Variants in PAK2 observed in about 807,000 individuals in gnomAD.
PAK2 encodes p21 (RAC1) activated kinase 2, also known as serine/threonine-protein kinase PAK 2.
Under a neutral mutation model 65.9 loss-of-function variants are expected in PAK2, and 21 were observed. The ratio of observed to expected loss-of-function variants is 0.32; its 90% CI spans 0.23 to 0.46. The LOEUF (loss-of-function observed/expected upper bound fraction) is 0.46. PAK2 is among the 20% of genes least tolerant of loss of function. PAK2 has a pLI of 1.00. For missense variants in PAK2, 324 were observed against 642.6 expected, an observed-to-expected ratio of 0.50 and a Z score of 5.36; for synonymous variants, 204 against 219.7, an observed-to-expected ratio of 0.93 and a Z score of 0.63.
At chr3:196,812,876 C>T in intron 10 of PAK2, 25 bp downstream of exon 10, 1 of 989,872 alleles carries the variant, frequency 1.0e-6, no homozygotes, top group East Asian at 2.4e-5. Flanking sequence ...TCCTTAAACA[C>T]CGGGAGAAAA....
chr3:196,774,049 A>G (rs950163825), intron 1 of PAK2, among the ~76,000 whole-genome samples: 3 of 152,280 alleles, frequency 2.0e-5, no homozygotes, highest in Middle Eastern at 3.4e-3. Context: ...AACAACAACA[A>G]AAAAAATCTG....
At chr3:196,795,403 G>A (rs1560107033) in intron 2 of PAK2, among the ~76,000 whole-genome samples, 1 of 152,130 alleles carries the variant, frequency 6.6e-6, no homozygotes, top group Non-Finnish European at 1.5e-5. Flanking sequence ...AGAGGTTGAG[G>A]CCGCAGTGAG....
chr3:196,767,311 G>T (rs202065118), intron 1 of PAK2, among the ~76,000 whole-genome samples: 1 of 152,026 alleles, frequency 6.6e-6, no homozygotes, highest in Non-Finnish European at 1.5e-5. Flanking sequence ...GGGTCAAAAG[G>T]TATATATGTA....
intron 13 of PAK2, among the ~76,000 whole-genome samples, chr3:196,824,306 G>C: frequency 6.6e-6 from 1 of 152,152 alleles, no homozygotes; most frequent in East Asian, 1.9e-4. Context: ...ATATTGGTAG[G>C]AATACAGAAA....
intron 13 of PAK2, among the ~76,000 whole-genome samples, chr3:196,823,647 C>G (rs1245537372): frequency 6.6e-6 from 1 of 151,768 alleles, no homozygotes; most frequent in Admixed American, 6.6e-5. Context: ...GGGCAGATCA[C>G]TTGAGGTCAG....
At chr3:196,763,539 A>G (rs1183016240) in intron 1 of PAK2, among the ~76,000 whole-genome samples, 1 of 152,114 alleles carries the variant, frequency 6.6e-6, no homozygotes, top group African/African-American at 2.4e-5. Context: ...GAGGCACTAG[A>G]TCAGTAACTG....
Position 196,812,222 on chromosome 3 carries a change from T to C in PAK2, c.777T>C (p.Ala259=). 1 of 1,577,310 alleles carries C rather than the reference T, an allele frequency of 6.3e-7. No homozygotes were observed. Among genetic ancestry groups the C allele is most frequent in the Non-Finnish European group, 8.7e-7 (1 of 1,146,758 alleles). ...YTRYEKIGQG[A]SGTVFTATDV... is the part of the protein sequence containing the mutation. ...GTTGTGTGTTTTCTCCCTCTAGGGC[T>C]TCTGGTACAGTTTTCACTGCTACTG... Residue 259 remains alanine (A), a synonymous_variant, in exon 9 of 15, where the codon GCT becomes GCC. Coordinates refer to ENST00000327134, the MANE Select transcript of PAK2 (RefSeq NM_002577.4).
chr3:196,741,474 T>C (rs1713191367), intron 1 of PAK2, among the ~76,000 whole-genome samples: 2 of 152,220 alleles, frequency 1.3e-5, no homozygotes, highest in African/African-American at 4.8e-5. Flanking sequence ...TTCAGGCAAC[T>C]TTTTCACTGT....
At chr3:196,823,811 C>CAAA (rs1004879720) in intron 13 of PAK2, among the ~76,000 whole-genome samples, 2 of 77,008 alleles carry the variant, frequency 2.6e-5, no homozygotes, top group African/African-American at 1.0e-4. Flanking sequence ...GATTCTGTCG[C>CAAA]AAAAAAAAAA....
At chr3:196,806,785 C>A in intron 6 of PAK2, 99 bp downstream of exon 6, 2 of 745,312 alleles carry the variant, frequency 2.7e-6, no homozygotes, top group East Asian at 5.4e-5. Flanking sequence ...TTAAAAAGCC[C>A]TCAAGTTTAA....
At chr3:196,803,686 G>A (rs1715489225) in intron 4 of PAK2, among the ~76,000 whole-genome samples, 1 of 152,098 alleles carries the variant, frequency 6.6e-6, no homozygotes, top group Non-Finnish European at 1.5e-5. Flanking sequence ...AGAACTAAAA[G>A]GATTTATACC....
chr3:196,778,436 C>G (rs1308651261), intron 1 of PAK2, among the ~76,000 whole-genome samples: 1 of 152,082 alleles, frequency 6.6e-6, no homozygotes, highest in Non-Finnish European at 1.5e-5. Flanking sequence ...CATAGTAGCT[C>G]TATATTTAAT....
At chr3:196,811,151 A>T (rs943286005) in intron 8 of PAK2, among the ~76,000 whole-genome samples, 1 of 150,154 alleles carries the variant, frequency 6.7e-6, no homozygotes, top group African/African-American at 2.5e-5. Flanking sequence ...CTGTGAATTT[A>T]GAGTGAGGGC....
At chr3:196,802,474 G>C (rs1033551365) in intron 3 of PAK2, among the ~76,000 whole-genome samples, 1 of 152,110 alleles carries the variant, frequency 6.6e-6, no homozygotes, top group African/African-American at 2.4e-5. Context: ...TTTTATAAAA[G>C]TGTTAGTGGT....
chr3:196,776,469 C>T (rs966438759), intron 1 of PAK2, among the ~76,000 whole-genome samples: 1 of 152,114 alleles, frequency 6.6e-6, no homozygotes, highest in African/African-American at 2.4e-5. Flanking sequence ...GTTCAGACTT[C>T]GTATTTTGCG....
chr3:196,818,030 A>G (rs780563809), intron 11 of PAK2, 27 bp from the exon 12 acceptor site: 1 of 932,658 alleles, frequency 1.1e-6, no homozygotes, highest in South Asian at 1.3e-5. Context: ...GGACTATTTC[A>G]TTAATAGGTG....
At chr3:196,767,625 A>T (rs1232585931) in intron 1 of PAK2, among the ~76,000 whole-genome samples, 2 of 151,814 alleles carry the variant, frequency 1.3e-5, no homozygotes, top group African/African-American at 4.9e-5. Context: ...AGTAGCTGGG[A>T]CTACAGGTGA....
rs1415788097 is a variant in PAK2 at position 196,820,826 on chromosome 3, G to C, written c.1350+259G>C. 6.6e-6 allele frequency among the ~76,000 whole-genome samples: 1 copy of C among 152,058 alleles called. No individual in the cohort carries two copies. Among genetic ancestry groups the C allele is most frequent in the Non-Finnish European group, 1.5e-5 (1 of 68,014 alleles). On this transcript the variant is annotated intron_variant, in intron 13 of 14. Coordinates refer to ENST00000327134, the MANE Select transcript of PAK2 (RefSeq NM_002577.4). The surrounding 1 kb of genome is among the most constrained non-coding windows in gnomAD (Gnocchi z 4.6). ...GAAGTTTGGAGCACCTGTCTCTAAAGCTTCTCCTTCTTTTATTTTTTAAGA... is the reference window on the plus strand; with the variant it reads ...GAAGTTTGGAGCACCTGTCTCTAAACCTTCTCCTTCTTTTATTTTTTAAGA...
chr3:196,831,311 A>G lies in PAK2; in HGVS notation c.*2906A>G, dbSNP rs1011939870. ...CTTGTGTTATTAGGACAGTATTATT[A>G]TAGTACTTATTTATTTTATTTTAGA... On this transcript the variant is annotated 3_prime_UTR_variant, in exon 15 of 15. Transcript: ENST00000327134. The G allele has an allele frequency of 7.2e-5, 11 of 152,316 alleles. No homozygotes were observed. The East Asian group carries it at 1.9e-3, about 27-fold the overall frequency. 9.4% of individuals were successfully genotyped at this position (152,316 alleles called of 1,614,324 possible).
Sources: gnomAD v4.1 joint callset for allele counts (sites outside exome capture counted in the v4.1 genomes callset) on GRCh38, gnomAD v4.1.1 for gene constraint, Gnocchi (gnomAD v3.1) non-coding constraint, MANE v1.5 for transcripts, NCBI Gene and HGNC (gene_info 2026-07-23, HGNC 2026-07-21) for gene names.